IFT122: variants seen among roughly 807,000 people sequenced by gnomAD.
IFT122 encodes the protein intraflagellar transport protein 122 homolog.
In IFT122, 118 loss-of-function variants were observed where a neutral mutation model predicts 161.6. That is an observed-to-expected ratio of 0.73 (90% CI 0.63 to 0.85). The LOEUF (loss-of-function observed/expected upper bound fraction) is 0.85. Ranked by LOEUF, IFT122 falls within the 40% of genes least tolerant of loss-of-function variation. IFT122 has a pLI of 0.00. For missense variants in IFT122, 1,381 were observed against 1,579.6 expected (o/e 0.87, Z 2.13); for synonymous variants, 550 against 602.4 (o/e 0.91, Z 1.27).
At chr3:129,485,684 TA>T (rs768160371) in intron 15 of IFT122, among the ~76,000 whole-genome samples, 5 of 152,216 alleles carry the variant, frequency 3.3e-5, no homozygotes, top group Non-Finnish European at 7.3e-5. Context: ...ACCTCAAAAA[TA>T]AATGCAGTTT....
In IFT122 at chr3:129,478,226, G is replaced by A. The variant is rs1260903183; in HGVS notation, c.1350+8G>A. 1 of 1,613,458 alleles carries A rather than the reference G, an allele frequency of 6.2e-7. No homozygotes were observed. ...CACATCATCCTGTGCCAGGTGGGCA[G>A]CAGCATGTTGAAGGAGTTGGGCTGA... On this transcript the variant is annotated splice_region_variant and intron_variant, in intron 12 of 29. Transcript: ENST00000348417.
chr3:129,507,287 T>C (rs2082285466), intron 22 of IFT122, among the ~76,000 whole-genome samples: 1 of 152,190 alleles, frequency 6.6e-6, no homozygotes, highest in Admixed American at 6.5e-5. Flanking sequence ...GGAAGAGGCA[T>C]AAGATGAGCA....
chr3:129,449,743 G>A (rs912143442), intron 1 of IFT122, 128 bp from the exon 2 acceptor site: 12 of 744,328 alleles, frequency 1.6e-5, no homozygotes, highest in African/African-American at 1.0e-4. Flanking sequence ...AATGCAATTC[G>A]TAGTTATTCT....
chr3:129,516,344 GCACA>G (rs1243837072), intron 26 of IFT122, among the ~76,000 whole-genome samples: 7 of 79,984 alleles, frequency 8.8e-5, no homozygotes, highest in South Asian at 4.8e-4. Context: ...GACTGCCCCT[GCACA>G]CACACACAGA....
chr3:129,516,427 A>G (rs1266190532), intron 26 of IFT122, among the ~76,000 whole-genome samples: 1 of 144,546 alleles, frequency 6.9e-6, no homozygotes, highest in Non-Finnish European at 1.5e-5. Context: ...CTGCACACAC[A>G]CACAGACTGC....
intron 5 of IFT122, 48 bp from the exon 6 acceptor site, chr3:129,463,512 G>A: frequency 7.0e-7 from 1 of 1,435,526 alleles, no homozygotes; most frequent in Non-Finnish European, 9.8e-7. Context: ...TTATTGCTGG[G>A]TAGTATTCCA....
intron 3 of IFT122, chr3:129,456,284 T>C: frequency 8.0e-7 from 1 of 1,245,086 alleles, no homozygotes; most frequent in Non-Finnish European, 1.0e-6. Context: ...GTTTCTTTGT[T>C]TATTTAGTAT....
chr3:129,470,564 C>T (rs2077262368), intron 9 of IFT122, among the ~76,000 whole-genome samples: 1 of 149,640 alleles, frequency 6.7e-6, no homozygotes, highest in South Asian at 2.1e-4. Context: ...CACGCCCGGC[C>T]TATGATTTTT....
At chr3:129,463,258 G>GGT in intron 5 of IFT122, 1 of 351,488 alleles carries the variant, frequency 2.8e-6, no homozygotes, top group Non-Finnish European at 5.5e-6. Flanking sequence ...CCATCAGCGT[G>GGT]ACACAGAACT....
rs528843087 is a variant in IFT122, at chr3:129,481,675, C to G, written c.1634C>G (p.Thr545Ser). The G allele has an allele frequency of 6.2e-7, 1 of 1,614,102 alleles. No homozygotes were observed. Among genetic ancestry groups the G allele is most frequent in the South Asian group, 1.1e-5 (1 of 91,060 alleles). The change falls in exon 14 of 30, where the codon ACC becomes AGC. Residue 545 changes from threonine to serine, a missense_variant. By Grantham distance (58) the Thr-to-Ser change is moderately conservative. Transcript: ENST00000348417. ...NDTCLVYDID[T>S]KELLFQEPNA... The stretch of plus-strand genomic sequence containing the variant: ...ACTTGCCTGGTGTATGACATCGACA[C>G]CAAGGAGCTGCTTTTTCAGGTGAAG...
At chr3:129,506,126 AC>A (rs1489390660) in intron 21 of IFT122, among the ~76,000 whole-genome samples, 1 of 152,126 alleles carries the variant, frequency 6.6e-6, no homozygotes, top group Non-Finnish European at 1.5e-5. Context: ...TCACTCTTAG[AC>A]TTTGCCCTGG....
At chr3:129,492,085 AC>A in intron 16 of IFT122, 55 bp from the exon 17 acceptor site, 1 of 1,349,146 alleles carries the variant, frequency 7.4e-7, no homozygotes, top group East Asian at 2.3e-5. Context: ...CTAGCCAATC[AC>A]CCACTTTTGA....
At chr3:129,487,784 C>G (rs906104062) in intron 15 of IFT122, 1 of 271,100 alleles carries the variant, frequency 3.7e-6, no homozygotes, top group Non-Finnish European at 7.3e-6. Flanking sequence ...GCTGTGGGAA[C>G]AGGCCTGTAA....
At chr3:129,518,273 C>G (rs1329418845) in intron 27 of IFT122, among the ~76,000 whole-genome samples, 1 of 152,264 alleles carries the variant, frequency 6.6e-6, no homozygotes, top group Non-Finnish European at 1.5e-5. Flanking sequence ...TCAGCCTGCC[C>G]CTTGGCCAGG....
At chr3:129,462,105 G>A (rs2076271359) in intron 5 of IFT122, among the ~76,000 whole-genome samples, 1 of 152,166 alleles carries the variant, frequency 6.6e-6, no homozygotes, top group Non-Finnish European at 1.5e-5. Context: ...CTGGTTCTGA[G>A]GTTCAAAAGA....
intron 18 of IFT122, among the ~76,000 whole-genome samples, chr3:129,496,588 C>T (rs2080874216): frequency 6.6e-6 from 1 of 152,314 alleles, no homozygotes; most frequent in Non-Finnish European, 1.5e-5. Flanking sequence ...TGGCTGTGCT[C>T]TTCCACCACC....
chr3:129,485,484 G>A (rs572349624), intron 15 of IFT122, among the ~76,000 whole-genome samples: 1 of 152,316 alleles, frequency 6.6e-6, no homozygotes, highest in South Asian at 2.1e-4. Context: ...AGGAAGAAGG[G>A]AATGAGGTGG....
intron 16 of IFT122, 151 bp downstream of exon 16, chr3:129,488,548 T>A: frequency 1.0e-6 from 1 of 972,786 alleles, no homozygotes; most frequent in Admixed American, 2.1e-5. Context: ...ACTTCCTCAC[T>A]GTGGGCCTGG....
intron 13 of IFT122, among the ~76,000 whole-genome samples, chr3:129,481,208 T>C (rs1475190698): frequency 6.6e-6 from 1 of 152,252 alleles, no homozygotes; most frequent in Non-Finnish European, 1.5e-5. Context: ...AGATCTCTGC[T>C]AGGTGGCATC....
Sources: allele counts gnomAD v4.1 joint callset (sites outside exome capture counted in the v4.1 genomes callset), GRCh38; gene constraint gnomAD v4.1.1; transcripts MANE v1.5; gene names NCBI Gene and HGNC (gene_info 2026-07-23, HGNC 2026-07-21).